SYTL1: variants seen among roughly 807,000 people sequenced by gnomAD.
The protein encoded by SYTL1 is synaptotagmin-like protein 1.
A neutral mutation model predicts 74.6 loss-of-function variants in SYTL1; 53 were observed. That is an observed-to-expected ratio of 0.71 (90% CI 0.57 to 0.89). The LOEUF (loss-of-function observed/expected upper bound fraction) is 0.89, where lower values mean the gene tolerates loss of function less well. Among genes scored for constraint, SYTL1 ranks in the 40% least tolerant of loss-of-function variants. The probability of loss-of-function intolerance (pLI) is 0.00; values close to 1 mark genes in which losing one functional copy is unlikely to be tolerated. For missense variants in SYTL1, 728 were observed against 768.7 expected (o/e 0.95, Z 0.63); for synonymous variants, 329 against 324.9 (o/e 1.01, Z -0.14).
Position 27,349,756 on chromosome 1 carries a change from C to T in SYTL1, c.738C>T (p.Asn246=). The T allele has an allele frequency of 6.2e-7, 1 of 1,602,478 alleles. No individual in the cohort carries two copies. The highest frequency in any genetic ancestry group is 8.5e-7 in the Non-Finnish European group (1 of 1,178,120). Residue 246 remains asparagine (N), a synonymous_variant, in exon 8 of 15, where the codon AAC becomes AAT. Transcript: ENST00000616558. ...LSSSSSVSSL[N]SSTLSGSQMS... is the part of the protein sequence containing the mutation. ...GCAGCTCCTCGGTGTCCAGCCTTAA[C>T]TCCTCCACGGTGAGGCGGGAGGGAG...
Position 27,351,023 on chromosome 1 carries a change from G to GC in SYTL1, c.1164+72dup. 1 of 1,557,848 alleles carries GC rather than the reference G, an allele frequency of 6.4e-7. No individual in the cohort carries two copies. Among genetic ancestry groups the GC allele is most frequent in the Non-Finnish European group, 8.8e-7 (1 of 1,142,708 alleles). The stretch of plus-strand genomic sequence containing the variant: ...TGCATTTACCCCACCAGGCTCTCCC[G>GC]CAGCCCCCTCACACCCCGCCTTCGA... On this transcript the variant is annotated intron_variant, in intron 11 of 14. Transcript: ENST00000616558. This position sits in a 1 kb window ranked among gnomAD's most constrained non-coding sequence, Gnocchi z 5.0.
chr1:27,346,450 A>C (rs1041818596), intron 2 of SYTL1, among the ~76,000 whole-genome samples: 2 of 152,208 alleles, frequency 1.3e-5, no homozygotes, highest in Non-Finnish European at 2.9e-5. Context: ...AATGGGGCTA[A>C]GGAGTCCTAC....
rs1486257352 is a variant in SYTL1, at chr1:27,349,659, C to T, written c.641C>T (p.Ala214Val). Residue 214 changes from alanine (A) to valine (V), a missense_variant, in exon 8 of 15, where the codon GCC becomes GTC. By Grantham distance (64) the Ala-to-Val change is moderately conservative (BLOSUM62 0). Transcript: ENST00000616558. The stretch of plus-strand genomic sequence containing the variant: ...CACTTGCCCCCTCTGCAGACCAAGG[C>T]CGCGTCCCAGATCCTGGAGAATGGG... ...EPRPQQAQTK[A>V]ASQILENGEE... The T allele has an allele frequency of 6.2e-7, 1 of 1,608,134 alleles. No individual in the cohort carries two copies.
In SYTL1 at chr1:27,343,493, C is replaced by T. The variant is rs1362863395; in HGVS notation, c.-39+1343C>T. On this transcript the variant is annotated intron_variant, in intron 1 of 14. Transcript: ENST00000616558. This position sits in a 1 kb window ranked among gnomAD's most constrained non-coding sequence, Gnocchi z 5.2. Reference sequence around the variant, plus strand: ...GGGGTGTGGGCTGAGGAGGAGGTTGCCTCAGACAGGAAGGCCAAGTGGGCC... The same window carrying T: ...GGGGTGTGGGCTGAGGAGGAGGTTGTCTCAGACAGGAAGGCCAAGTGGGCC... Among the ~76,000 whole-genome samples the T allele has an allele frequency of 6.6e-6, 1 of 152,000 alleles. No individual in the cohort carries two copies. Among genetic ancestry groups the T allele is most frequent in the Non-Finnish European group, 1.5e-5 (1 of 67,976 alleles).
chr1:27,348,082 G>A lies in SYTL1; in HGVS notation c.459+70G>A. 6.7e-7 allele frequency: 1 copy of A among 1,487,890 alleles called. No homozygotes were observed. The highest frequency in any genetic ancestry group is 1.1e-5 in the South Asian group (1 of 88,362). The allele number at this position is 1,487,890 out of a possible 1,614,324, so 92.2% of individuals were successfully genotyped here. Reference sequence around the variant, plus strand: ...AGGTGGAATGTGCAGGGGGCAGGGGGGAAAGAGCCCCAGCCTGGGAATGGG... The same window carrying A: ...AGGTGGAATGTGCAGGGGGCAGGGGAGAAAGAGCCCCAGCCTGGGAATGGG... On this transcript the variant is annotated intron_variant, in intron 5 of 14. Coordinates refer to ENST00000616558, the MANE Select transcript of SYTL1 (RefSeq NM_001193308.2). This position sits in a 1 kb window ranked among gnomAD's most constrained non-coding sequence, Gnocchi z 4.1.
intron 7 of SYTL1, 21 bp from the exon 8 acceptor site, chr1:27,349,631 C>A (rs886125187): frequency 2.5e-6 from 4 of 1,588,542 alleles, no homozygotes; most frequent in Non-Finnish European, 3.4e-6. Flanking sequence ...AGGGGCGCCC[C>A]GTCACTTGCC....
At chr1:27,344,222 G>C (rs1225194870) in intron 1 of SYTL1, among the ~76,000 whole-genome samples, 3 of 152,020 alleles carry the variant, frequency 2.0e-5, no homozygotes, top group Non-Finnish European at 4.4e-5. Context: ...TCCCACCTCA[G>C]CCTCCCGAGT....
Position 27,350,232 on chromosome 1 carries a change from C to G in SYTL1, c.908+100C>G, listed in dbSNP as rs2015202261. ...GTCCTCATCTTCAAAATGGGAACAA[C>G]AGCGTTATTGGGAGGCGTGCGATTA... is the stretch of plus-strand genomic sequence containing the variant. On this transcript the variant is annotated intron_variant, in intron 9 of 14. Coordinates refer to ENST00000616558, the MANE Select transcript of SYTL1 (RefSeq NM_001193308.2). This position sits in a 1 kb window ranked among gnomAD's most constrained non-coding sequence, Gnocchi z 6.3. 2.0e-6 allele frequency: 3 copies of G among 1,483,122 alleles called. No individual in the cohort carries two copies. Among genetic ancestry groups the G allele is most frequent in the Non-Finnish European group, 2.8e-6 (3 of 1,084,808 alleles). 91.9% of individuals were successfully genotyped at this position (1,483,122 alleles called of 1,614,324 possible).
Position 27,342,209 on chromosome 1 carries a change from C to G in SYTL1, c.-39+59C>G. 5.4e-6 allele frequency: 2 copies of G among 372,186 alleles called. No homozygotes were observed. Among genetic ancestry groups the G allele is most frequent in the Non-Finnish European group, 7.4e-6 (2 of 269,642 alleles). 23.1% of individuals were successfully genotyped at this position (372,186 alleles called of 1,614,324 possible). ...GGTCCAGAGACGCAGGCACTGCCAC[C>G]TGGTATCCTGAGCACCCTCCAGCAC... On this transcript the variant is annotated intron_variant, in intron 1 of 14. Transcript: ENST00000616558. This position sits in a 1 kb window ranked among gnomAD's most constrained non-coding sequence, Gnocchi z 4.7.
chr1:27,347,476 T>C lies in SYTL1; in HGVS notation c.247T>C (p.Trp83Arg). ...PGQLKILTGD[W>R]FQEARSQRHH... ...GCAGCTGAAGATCCTGACAGGGGAC[T>C]GGTTCCAGGAAGCACGCTCCCAGCG... is the stretch of plus-strand genomic sequence containing the variant. Residue 83 changes from tryptophan (W) to arginine (R), a missense_variant, in exon 3 of 15, where the codon TGG becomes CGG. By Grantham distance (101) the Trp-to-Arg change is moderately radical. Coordinates refer to ENST00000616558, the MANE Select transcript of SYTL1 (RefSeq NM_001193308.2). This position sits in a 1 kb window ranked among gnomAD's most constrained non-coding sequence, Gnocchi z 4.9. The C allele has an allele frequency of 6.2e-7, 1 of 1,614,134 alleles. No homozygotes were observed. Among genetic ancestry groups the C allele is most frequent in the Non-Finnish European group, 8.5e-7 (1 of 1,180,042 alleles).
At position 27,342,286 on chromosome 1, in the gene SYTL1, A is replaced by C. The variant is rs2014805290; in HGVS notation, c.-39+136A>C. 2.0e-6 allele frequency: 2 copies of C among 979,668 alleles called. No homozygotes were observed. Among genetic ancestry groups the C allele is most frequent in the Non-Finnish European group, 2.4e-6 (2 of 825,834 alleles). 60.7% of individuals were successfully genotyped at this position (979,668 alleles called of 1,614,324 possible). ...GTCTGGAACTGGAACAGCTGGACAG[A>C]TGGACAGACCCTCCTCTTGACCAAT... On this transcript the variant is annotated intron_variant, in intron 1 of 14. Transcript: ENST00000616558. The surrounding 1 kb of genome is among the most constrained non-coding windows in gnomAD (Gnocchi z 4.7).
chr1:27,345,250 G>T lies in SYTL1; in HGVS notation c.-38-47G>T. 2 of 1,078,134 alleles carry T rather than the reference G, an allele frequency of 1.9e-6. No homozygotes were observed. Among genetic ancestry groups the T allele is most frequent in the Non-Finnish European group, 2.6e-6 (2 of 775,626 alleles). The allele number at this position is 1,078,134 out of a possible 1,614,324, so 66.8% of individuals were successfully genotyped here. ...AAAAGGGCTGTTGGTTCTAGGATGT[G>T]CCAAGCATTTGTGCAGGGCTTGACC... is the stretch of plus-strand genomic sequence containing the variant. On this transcript the variant is annotated intron_variant, in intron 1 of 14. Transcript: ENST00000616558. The surrounding 1 kb of genome is among the most constrained non-coding windows in gnomAD (Gnocchi z 6.0).
rs1271707526 is a variant in SYTL1 at position 27,343,832 on chromosome 1, C to T, written c.-38-1465C>T. Among the ~76,000 whole-genome samples the T allele has an allele frequency of 6.6e-6, 1 of 152,198 alleles. No individual in the cohort carries two copies. Among genetic ancestry groups the T allele is most frequent in the Non-Finnish European group, 1.5e-5 (1 of 68,040 alleles). ...AAGTCTGTATGATTTTTATGTACAT[C>T]TTTATCGAGGGACATATTTGTCCCC... On this transcript the variant is annotated intron_variant, in intron 1 of 14. Transcript: ENST00000616558. This position sits in a 1 kb window ranked among gnomAD's most constrained non-coding sequence, Gnocchi z 5.2.
chr1:27,350,907 G>A lies in SYTL1; in HGVS notation c.1119G>A (p.Thr373=), dbSNP rs1330156017. The A allele has an allele frequency of 6.2e-7, 1 of 1,613,592 alleles. No individual in the cohort carries two copies. Among genetic ancestry groups the A allele is most frequent in the Admixed American group, 1.7e-5 (1 of 60,022 alleles). The part of the protein sequence containing the change: ...FLGEVEVPLD[T]WDWGSEPTWL... Reference sequence around the variant, plus strand: ...GCGAAGTTGAAGTGCCCCTGGACACGTGGGACTGGGGCTCTGAGCCCACCT... The same window carrying A: ...GCGAAGTTGAAGTGCCCCTGGACACATGGGACTGGGGCTCTGAGCCCACCT... Residue 373 remains threonine, a synonymous_variant, in exon 11 of 15, where the codon ACG becomes ACA. Coordinates refer to ENST00000616558, the MANE Select transcript of SYTL1 (RefSeq NM_001193308.2). The surrounding 1 kb of genome is among the most constrained non-coding windows in gnomAD (Gnocchi z 6.3).
Position 27,350,718 on chromosome 1 carries a change from C to A in SYTL1, c.1006-76C>A. On this transcript the variant is annotated intron_variant, in intron 10 of 14. Coordinates refer to ENST00000616558, the MANE Select transcript of SYTL1 (RefSeq NM_001193308.2). The surrounding 1 kb of genome is among the most constrained non-coding windows in gnomAD (Gnocchi z 6.3). The stretch of plus-strand genomic sequence containing the variant: ...CCATCATGGTAGGAACGCGGTAGGA[C>A]CTGCCTCAGCCAACTCGCGCAGCAT... 1.3e-6 allele frequency: 2 copies of A among 1,548,776 alleles called. No individual in the cohort carries two copies. The highest frequency in any genetic ancestry group is 1.7e-4 in the Middle Eastern group (1 of 5,786).
chr1:27,342,082 C>T lies in SYTL1; in HGVS notation c.-107C>T, dbSNP rs1178584793. 6.6e-6 allele frequency: 1 copy of T among 152,380 alleles called. No homozygotes were observed. The highest frequency in any genetic ancestry group is 1.5e-5 in the Non-Finnish European group (1 of 68,180). The allele number at this position is 152,380 out of a possible 1,614,324, so 9.4% of individuals were successfully genotyped here. On this transcript the variant is annotated 5_prime_UTR_variant, in exon 1 of 15. Coordinates refer to ENST00000616558, the MANE Select transcript of SYTL1 (RefSeq NM_001193308.2). The surrounding 1 kb of genome is among the most constrained non-coding windows in gnomAD (Gnocchi z 4.7). ...TTCCCTCACGGCTCTTCTCCCGGTC[C>T]CTGAAACTCGGCTGCCAGGGGAGCT...
Position 27,350,019 on chromosome 1 carries a change from G to C in SYTL1, c.795G>C (p.Gln265His). Reference protein sequence around the residue: ...MSLSGDAEAVQVRGSVHFALH... With the variant: ...MSLSGDAEAVHVRGSVHFALH... ...TGTCAGGCGACGCGGAGGCGGTGCA[G>C]GTCCGCGGCTCCGTGCACTTCGCGC... The change falls in exon 9 of 15, where the codon CAG becomes CAC. Residue 265 changes from glutamine (Q) to histidine (H), a missense_variant. Transcript: ENST00000616558. The surrounding 1 kb of genome is among the most constrained non-coding windows in gnomAD (Gnocchi z 6.3). 6.4e-7 allele frequency: 1 copy of C among 1,555,116 alleles called. No individual in the cohort carries two copies.
rs772175775 is a variant in SYTL1, at chr1:27,350,972, TG to T, written c.1164+24del. On this transcript the variant is annotated intron_variant, in intron 11 of 14. Transcript: ENST00000616558. The surrounding 1 kb of genome is among the most constrained non-coding windows in gnomAD (Gnocchi z 6.3). ...CCCCGGGTGAGGCAGCCAGGCCGCG[TG>T]GGGAGACCTGCGGCCCGGGTCTCCT... 9.9e-6 allele frequency: 16 copies of T among 1,611,622 alleles called. No homozygotes were observed. The highest frequency in any genetic ancestry group is 1.7e-4 in the Middle Eastern group (1 of 6,032).
In SYTL1 at chr1:27,342,646, T is replaced by G. The variant is rs1282225715; in HGVS notation, c.-39+496T>G. 1.3e-5 allele frequency among the ~76,000 whole-genome samples: 2 copies of G among 152,038 alleles called. No homozygotes were observed. Among genetic ancestry groups the G allele is most frequent in the African/African-American group, 4.8e-5 (2 of 41,374 alleles). ...ACTGTACACACCCCACACGGCGCTGTCACCTAGAAAGTCACTGAACACACC... is the reference window on the plus strand; with the variant it reads ...ACTGTACACACCCCACACGGCGCTGGCACCTAGAAAGTCACTGAACACACC... On this transcript the variant is annotated intron_variant, in intron 1 of 14. Transcript: ENST00000616558. This position sits in a 1 kb window ranked among gnomAD's most constrained non-coding sequence, Gnocchi z 4.7.
Sources: gnomAD v4.1 joint callset for allele counts (sites outside exome capture counted in the v4.1 genomes callset) on GRCh38, gnomAD v4.1.1 for gene constraint, Gnocchi (gnomAD v3.1) non-coding constraint, MANE v1.5 for transcripts, NCBI Gene and HGNC (gene_info 2026-07-23, HGNC 2026-07-21) for gene names.